Variants in CHRNB3 observed in about 807,000 individuals in gnomAD.
CHRNB3 encodes the protein neuronal acetylcholine receptor subunit beta-3.
CHRNB3 carries 37 observed loss-of-function variants against 40.6 expected under a neutral mutation model. That is an observed-to-expected ratio of 0.91 (90% CI 0.70 to 1.20). The LOEUF (loss-of-function observed/expected upper bound fraction) is 1.20. Among genes scored for constraint, CHRNB3 ranks in the 50% most tolerant of loss-of-function variants. The pLI, the probability that CHRNB3 is intolerant of heterozygous loss-of-function variation, is 0.00. For synonymous variants in CHRNB3, 207 were observed against 207.1 expected (o/e 1.00, Z 0.00); for missense variants, 505 against 551.2 (o/e 0.92, Z 0.84).
chr8:42,709,737 A>T (rs149019572), intron 2 of CHRNB3, among the ~76,000 whole-genome samples: 1,687 of 152,262 alleles, frequency 0.011, 34 homozygotes, highest in African/African-American at 0.039. Flanking sequence ...GTTCAAGTGA[A>T]TCTCCTGCCT....
chr8:42,727,387 AAAAG>A (rs897073582), intron 3 of CHRNB3, among the ~76,000 whole-genome samples: 4 of 151,588 alleles, frequency 2.6e-5, no homozygotes, highest in Admixed American at 6.6e-5. Flanking sequence ...AAAAAAAAAA[AAAAG>A]AAAGAAAAAA....
intron 3 of CHRNB3, among the ~76,000 whole-genome samples, chr8:42,718,186 G>T (rs1473612551): frequency 6.6e-6 from 1 of 151,816 alleles, no homozygotes; most frequent in Non-Finnish European, 1.5e-5. Context: ...AATTTAACAG[G>T]AATATGAAAC....
intron 3 of CHRNB3, among the ~76,000 whole-genome samples, chr8:42,729,109 A>G (rs943135238): frequency 1.3e-5 from 2 of 152,150 alleles, no homozygotes; most frequent in African/African-American, 4.8e-5. Context: ...GTGATTTCCC[A>G]TAAATATCAT....
chr8:42,717,377 A>AG (rs1563610908), intron 3 of CHRNB3, among the ~76,000 whole-genome samples: 1 of 63,918 alleles, frequency 1.6e-5, no homozygotes, highest in Non-Finnish European at 3.4e-5. Context: ...CCGTCTCAAA[A>AG]AAAAAAAAAA....
At chr8:42,705,135 C>T (rs1377955873) in intron 1 of CHRNB3, among the ~76,000 whole-genome samples, 2 of 152,182 alleles carry the variant, frequency 1.3e-5, no homozygotes, top group East Asian at 3.9e-4. Context: ...ACAACCTTTC[C>T]TCTAACCACC....
At chr8:42,724,017 C>G (rs1586405153) in intron 3 of CHRNB3, among the ~76,000 whole-genome samples, 1 of 152,040 alleles carries the variant, frequency 6.6e-6, no homozygotes, top group African/African-American at 2.4e-5. Flanking sequence ...ACCCTGGAGG[C>G]AGAGGTTGCA....
At chr8:42,698,571 T>G (rs1815719295) in intron 1 of CHRNB3, among the ~76,000 whole-genome samples, 1 of 152,202 alleles carries the variant, frequency 6.6e-6, no homozygotes, top group Admixed American at 6.5e-5. Context: ...ATTATCCTGT[T>G]GTCAAAAACG....
chr8:42,727,745 C>A (rs888141354), intron 3 of CHRNB3, among the ~76,000 whole-genome samples: 27 of 152,238 alleles, frequency 1.8e-4, no homozygotes, highest in African/African-American at 6.5e-4. Context: ...CACCTGTAGT[C>A]TCAGCTACTC....
chr8:42,704,180 C>A (rs950555380), intron 1 of CHRNB3, among the ~76,000 whole-genome samples: 1 of 152,212 alleles, frequency 6.6e-6, no homozygotes, highest in Non-Finnish European at 1.5e-5. Context: ...TTACAAACAG[C>A]TGCCTTCTTG....
At chr8:42,726,327 C>A in intron 3 of CHRNB3, 2 of 544,066 alleles carry the variant, frequency 3.7e-6, no homozygotes, top group African/African-American at 1.9e-5. Flanking sequence ...GCTCCACTTG[C>A]AAATGACATA....
chr8:42,722,372 A>G (rs374100638), intron 3 of CHRNB3, among the ~76,000 whole-genome samples: 17 of 151,226 alleles, frequency 1.1e-4, no homozygotes, highest in East Asian at 9.7e-4. Context: ...TAAAAAGAAA[A>G]AAAAGAAAAG....
chr8:42,730,462 C>T, intron 3 of CHRNB3, 132 bp from the exon 4 acceptor site: 2 of 560,924 alleles, frequency 3.6e-6, no homozygotes, highest in Non-Finnish European at 6.1e-6. Context: ...AGTAGGGTCA[C>T]GCAGTCCAAC....
At chr8:42,722,475 C>G (rs1816235736) in intron 3 of CHRNB3, among the ~76,000 whole-genome samples, 1 of 152,188 alleles carries the variant, frequency 6.6e-6, no homozygotes, top group Admixed American at 6.5e-5. Flanking sequence ...GCGCATTCCT[C>G]ATCTCATAAT....
chr8:42,731,651 A>G lies in CHRNB3; in HGVS notation c.360-16A>G, dbSNP rs751641655. On this transcript the variant is annotated splice_polypyrimidine_tract_variant and intron_variant, in intron 4 of 5. Transcript: ENST00000289957. The stretch of plus-strand genomic sequence containing the variant: ...GTGCTCCACCGACTGCTAAGGTGAA[A>G]CTGCTTTGATTGCAGTGCTGACGGC... 1 of 1,578,462 alleles carries G rather than the reference A, an allele frequency of 6.3e-7. No individual in the cohort carries two copies. The highest frequency in any genetic ancestry group is 2.2e-5 in the East Asian group (1 of 44,564).
At chr8:42,712,151 C>A (rs1816026481) in intron 3 of CHRNB3, among the ~76,000 whole-genome samples, 1 of 151,986 alleles carries the variant, frequency 6.6e-6, no homozygotes, top group African/African-American at 2.4e-5. Flanking sequence ...TGCCACCACG[C>A]CCGGCTAATT....
intron 1 of CHRNB3, among the ~76,000 whole-genome samples, chr8:42,708,474 T>TACACAC (rs4955): frequency 0.064 from 9,450 of 148,538 alleles, 438 homozygotes; most frequent in African/African-American, 0.12. Flanking sequence ...TCAAAAAAAA[T>TACACAC]ACACACACAC....
At chr8:42,697,686 T>C (rs1412678315) in intron 1 of CHRNB3, 88 bp downstream of exon 1, 1 of 977,194 alleles carries the variant, frequency 1.0e-6, no homozygotes, top group African/African-American at 1.6e-5. Context: ...AATGTTAGAA[T>C]TACAATATGT....
intron 4 of CHRNB3, 64 bp downstream of exon 4, chr8:42,730,767 G>GAAAAGTAA (rs1554591847): frequency 1.5e-4 from 166 of 1,091,420 alleles, no homozygotes; most frequent in Middle Eastern, 5.0e-4. Context: ...GTGAAAAAAA[G>GAAAAGTAA]GCTGGGCGCG....
intron 3 of CHRNB3, chr8:42,725,679 G>A: frequency 2.1e-6 from 2 of 955,458 alleles, no homozygotes; most frequent in Non-Finnish European, 3.4e-6. Flanking sequence ...AGAACCACGA[G>A]ATCTCCTGGA....
Sources: gnomAD v4.1 joint callset for allele counts (sites outside exome capture counted in the v4.1 genomes callset) on GRCh38, gnomAD v4.1.1 for gene constraint, MANE v1.5 for transcripts, NCBI Gene and HGNC (gene_info 2026-07-23, HGNC 2026-07-21) for gene names.